Variants in CSMD3 observed in about 807,000 individuals in gnomAD.
CSMD3 encodes CUB and Sushi multiple domains 3, also known as CUB and sushi domain-containing protein 3.
CSMD3 carries 177 observed loss-of-function variants against 435.2 expected under a neutral mutation model. The ratio of observed to expected loss-of-function variants is 0.41; its 90% CI spans 0.36 to 0.46. CSMD3 has a LOEUF of 0.46. Among genes scored for constraint, CSMD3 ranks in the 20% least tolerant of loss-of-function variants. The pLI is 0.34. For missense variants in CSMD3, 4,265 were observed against 4,504.6 expected (o/e 0.95, Z 1.52); for synonymous variants, 1,656 against 1,520.5 (o/e 1.09, Z -2.07).
intron 32 of CSMD3, among the ~76,000 whole-genome samples, chr8:112,470,853 G>GT (rs950133150): frequency 3.3e-5 from 5 of 151,722 alleles, no homozygotes; most frequent in Non-Finnish European, 5.9e-5. Context: ...AATAAAATTA[G>GT]TTTTTTACTA....
chr8:112,650,168 G>C lies in CSMD3; in HGVS notation c.3186C>G (p.Thr1062=), dbSNP rs2131631623. The C allele has an allele frequency of 6.2e-7, 1 of 1,610,610 alleles. No individual in the cohort carries two copies. The highest frequency in any genetic ancestry group is 8.5e-7 in the Non-Finnish European group (1 of 1,176,838). ...TGTCAAATGAGTTATTACCATCACA[G>C]GTTGGAAGTGGATGACTCCACCAGT... ...KNHWWSHPLP[T]CDALCGGDVR... is the part of the protein sequence containing the mutation. Residue 1062 remains threonine, a synonymous_variant, in exon 19 of 71, where the codon ACC becomes ACG. Transcript: ENST00000297405.
chr8:112,856,737 C>T (rs1199514556), intron 11 of CSMD3, among the ~76,000 whole-genome samples: 1 of 151,762 alleles, frequency 6.6e-6, no homozygotes, highest in East Asian at 1.9e-4. Context: ...ATTTAGAACA[C>T]CATAATTGCT....
chr8:112,628,483 A>G (rs1834674985), intron 22 of CSMD3, among the ~76,000 whole-genome samples: 1 of 152,152 alleles, frequency 6.6e-6, no homozygotes, highest in African/African-American at 2.4e-5. Context: ...ATTATAGACT[A>G]AACAACAGTG....
At chr8:113,076,283 A>ATTACAC (rs773584139) in intron 5 of CSMD3, among the ~76,000 whole-genome samples, 39 of 151,798 alleles carry the variant, frequency 2.6e-4, no homozygotes, top group Non-Finnish European at 5.7e-4. Context: ...ATAGCTTGTC[A>ATTACAC]TTACACTTGT....
chr8:112,937,783 T>C (rs1300915074), intron 9 of CSMD3, among the ~76,000 whole-genome samples: 3 of 152,110 alleles, frequency 2.0e-5, no homozygotes, highest in African/African-American at 7.2e-5. Flanking sequence ...TTCTGTATTG[T>C]CTGTATAACA....
intron 22 of CSMD3, among the ~76,000 whole-genome samples, chr8:112,594,807 G>A (rs1289635437): frequency 2.6e-5 from 4 of 152,108 alleles, no homozygotes; most frequent in Non-Finnish European, 5.9e-5. Context: ...TGAGGGTCCT[G>A]TCTGTTAGAA....
chr8:112,585,180 A>T (rs573547695), intron 23 of CSMD3, among the ~76,000 whole-genome samples: 1 of 151,644 alleles, frequency 6.6e-6, no homozygotes, highest in Non-Finnish European at 1.5e-5. Context: ...ATTGTTTTAA[A>T]GTAATAATTC....
rs1379770381 is a variant in CSMD3 at position 112,506,820 on chromosome 8, C to T, written c.4766G>A (p.Gly1589Glu). 1.2e-6 allele frequency: 2 copies of T among 1,612,474 alleles called. No homozygotes were observed. Among genetic ancestry groups the T allele is most frequent in the Non-Finnish European group, 1.7e-6 (2 of 1,178,872 alleles). Residue 1589 changes from glycine (G) to glutamate (E), a missense_variant, in exon 29 of 71, where the codon GGA becomes GAA. Physicochemically the swap from Gly to Glu is moderately conservative, Grantham distance 98. Around this residue, in one of 3 missense-constraint regions of CSMD3, gnomAD observed 3,255 missense variants for 3,380.2 expected, o/e 0.96. Coordinates refer to ENST00000297405, the MANE Select transcript of CSMD3 (RefSeq NM_198123.2). ...PSPPVCIAPC[G>E]GNLTGSSGFI... ...GCCTGAAGATCCTGTTAAATTGCCT[C>T]CACAGGGTGCTTTAATTTAAACAAA...
At chr8:113,129,231 G>C (rs1327800370) in intron 4 of CSMD3, among the ~76,000 whole-genome samples, 1 of 152,074 alleles carries the variant, frequency 6.6e-6, no homozygotes, top group Non-Finnish European at 1.5e-5. Context: ...AGCTCAATAG[G>C]CTTGACTTAT....
chr8:112,234,976 T>A (rs893758692), intron 67 of CSMD3, among the ~76,000 whole-genome samples: 1 of 152,140 alleles, frequency 6.6e-6, no homozygotes, highest in Admixed American at 6.6e-5. Flanking sequence ...ATAAGTAAGG[T>A]ACACAGCTAA....
chr8:112,400,980 A>G, intron 35 of CSMD3, among the ~76,000 whole-genome samples: 1 of 152,116 alleles, frequency 6.6e-6, no homozygotes, highest in East Asian at 1.9e-4. Flanking sequence ...GCCGAGGCAG[A>G]TAGATCACCT....
intron 22 of CSMD3, among the ~76,000 whole-genome samples, chr8:112,613,181 T>G (rs1362293516): frequency 6.6e-5 from 10 of 152,134 alleles, no homozygotes; most frequent in African/African-American, 2.2e-4. Flanking sequence ...CACCTAAAGG[T>G]GTCTTAATTT....
At chr8:113,083,930 G>T (rs978564269) in intron 5 of CSMD3, among the ~76,000 whole-genome samples, 19 of 152,042 alleles carry the variant, frequency 1.2e-4, no homozygotes, top group African/African-American at 4.1e-4. Context: ...CTATGTTTGT[G>T]CCTTTGCCCT....
chr8:112,663,028 G>A (rs1278971292), intron 17 of CSMD3, among the ~76,000 whole-genome samples: 1 of 152,090 alleles, frequency 6.6e-6, no homozygotes, highest in Non-Finnish European at 1.5e-5. Flanking sequence ...GGAAACAACA[G>A]GTGCTGGAGA....
intron 37 of CSMD3, 59 bp downstream of exon 37, chr8:112,383,508 A>G (rs1261260068): frequency 1.0e-6 from 1 of 992,554 alleles, no homozygotes; most frequent in African/African-American, 1.6e-5. Context: ...TAGCTCTTTA[A>G]TTTTTTTTAT....
chr8:112,614,773 C>T (rs1317023067), intron 22 of CSMD3, among the ~76,000 whole-genome samples: 2 of 152,066 alleles, frequency 1.3e-5, no homozygotes, highest in Non-Finnish European at 2.9e-5. Context: ...CTATTCTCCT[C>T]TCAGGGATCC....
chr8:112,913,884 T>C (rs2082500303), intron 10 of CSMD3, among the ~76,000 whole-genome samples: 1 of 151,898 alleles, frequency 6.6e-6, no homozygotes, highest in South Asian at 2.1e-4. Flanking sequence ...TTAATCGTCT[T>C]TGAACGGAAT....
chr8:112,438,070 C>A (rs569614743), intron 32 of CSMD3, among the ~76,000 whole-genome samples: 1 of 152,258 alleles, frequency 6.6e-6, no homozygotes, highest in East Asian at 1.9e-4. Context: ...TCCAACTATG[C>A]CCAAGCAATT....
intron 32 of CSMD3, among the ~76,000 whole-genome samples, chr8:112,444,644 T>C (rs998121580): frequency 6.6e-6 from 1 of 152,190 alleles, no homozygotes; most frequent in African/African-American, 2.4e-5. Flanking sequence ...TTGTGTGGCA[T>C]TCAGGAAAAC....
Sources: allele counts gnomAD v4.1 joint callset (sites outside exome capture counted in the v4.1 genomes callset), GRCh38; gene constraint gnomAD v4.1.1; regional missense constraint gnomAD v4.1.1; transcripts MANE v1.5; gene names NCBI Gene and HGNC (gene_info 2026-07-23, HGNC 2026-07-21).